PPP1R16B: variants seen among roughly 807,000 people sequenced by gnomAD.
PPP1R16B encodes protein phosphatase 1 regulatory subunit 16B, also known as protein phosphatase 1 regulatory inhibitor subunit 16B.
A neutral mutation model predicts 61.7 loss-of-function variants in PPP1R16B; 14 were observed. The ratio of observed to expected loss-of-function variants is 0.23; its 90% CI spans 0.15 to 0.35. The LOEUF is 0.35. Among genes scored for constraint, PPP1R16B ranks in the 10% least tolerant of loss-of-function variants. PPP1R16B has a pLI of 1.00. For synonymous variants in PPP1R16B, 266 were observed against 305.3 expected, an observed-to-expected ratio of 0.87 and a Z score of 1.34; for missense variants, 547 against 752.5, an observed-to-expected ratio of 0.73 and a Z score of 3.19.
intron 2 of PPP1R16B, among the ~76,000 whole-genome samples, chr20:38,858,161 A>G (rs1388205441): frequency 6.6e-6 from 1 of 152,002 alleles, no homozygotes; most frequent in African/African-American, 2.4e-5. Flanking sequence ...ATCTAAAACT[A>G]TCTCCCAAAA....
chr20:38,855,939 TATATAGAG>T (rs1396704286), intron 2 of PPP1R16B, among the ~76,000 whole-genome samples: 2 of 31,210 alleles, frequency 6.4e-5, no homozygotes, highest in East Asian at 1.2e-3. Context: ...TATATATATA[TATATAGAG>T]AGAGAGAGAG....
At chr20:38,874,455 CAGAT>C (rs1349326644) in intron 2 of PPP1R16B, among the ~76,000 whole-genome samples, 1 of 152,162 alleles carries the variant, frequency 6.6e-6, no homozygotes, top group African/African-American at 2.4e-5. Context: ...AACTGAGGCT[CAGAT>C]AGAGGAGATG....
chr20:38,806,210 C>G lies in PPP1R16B; in HGVS notation c.-102+418C>G, dbSNP rs1035476823. Among the ~76,000 whole-genome samples, 1 of 152,102 alleles carries G rather than the reference C, an allele frequency of 6.6e-6. No individual in the cohort carries two copies. Among genetic ancestry groups the G allele is most frequent in the African/African-American group, 2.4e-5 (1 of 41,424 alleles). ...ACAGCGGACACCAAACAACCCCCCCCCGCGCACTCTCCCGGCCGGGCATGG... is the reference window on the plus strand; with the variant it reads ...ACAGCGGACACCAAACAACCCCCCCGCGCGCACTCTCCCGGCCGGGCATGG... On this transcript the variant is annotated intron_variant, in intron 1 of 10. Coordinates refer to ENST00000299824, the MANE Select transcript of PPP1R16B (RefSeq NM_015568.4). This position sits in a 1 kb window ranked among gnomAD's most constrained non-coding sequence, Gnocchi z 4.5.
In PPP1R16B at chr20:38,806,202, A is replaced by AC. The variant is rs568655910; in HGVS notation, c.-102+419dup. 0.014 allele frequency among the ~76,000 whole-genome samples: 2,028 copies of AC among 142,768 alleles called. 15 individuals carry two copies. The highest frequency in any genetic ancestry group is 0.024 in the African/African-American group (907 of 38,218). 93.7% of individuals were successfully genotyped at this position (142,768 alleles called of 152,430 possible). A position where few individuals can be genotyped will look rare whatever the true frequency, so the allele number is the denominator to read the frequency against. On this transcript the variant is annotated intron_variant, in intron 1 of 10. Transcript: ENST00000299824. The surrounding 1 kb of genome is among the most constrained non-coding windows in gnomAD (Gnocchi z 4.5). ...CGGGAGCCACAGCGGACACCAAACA[A>AC]CCCCCCCCCGCGCACTCTCCCGGCC...
chr20:38,889,578 G>C lies in PPP1R16B; in HGVS notation c.251-17G>C, dbSNP rs773994580. On this transcript the variant is annotated splice_polypyrimidine_tract_variant and intron_variant, in intron 2 of 10. Coordinates refer to ENST00000299824, the MANE Select transcript of PPP1R16B (RefSeq NM_015568.4). ...AGTGTGCAACGGGAAGCTCACTCCT[G>C]TACCCTCCTATTGCAGTACGCTACT... is the stretch of plus-strand genomic sequence containing the variant. The C allele has an allele frequency of 1.9e-5, 30 of 1,558,128 alleles. No homozygotes were observed. The highest frequency in any genetic ancestry group is 2.7e-5 in the Non-Finnish European group (30 of 1,129,076).
At chr20:38,902,903 C>G in intron 6 of PPP1R16B, 111 bp downstream of exon 6, 1 of 1,500,306 alleles carries the variant, frequency 6.7e-7, no homozygotes. Flanking sequence ...CTTGGACCTC[C>G]GCAAGAATCC....
Position 38,918,363 on chromosome 20 carries a change from G to T in PPP1R16B, c.1401G>T (p.Pro467=), listed in dbSNP as rs774677288. The T allele has an allele frequency of 1.1e-5, 17 of 1,614,062 alleles. No individual in the cohort carries two copies. In the East Asian group the frequency reaches 3.6e-4, roughly 34 times the overall value. Residue 467 remains proline (P), a synonymous_variant, in exon 11 of 11, where the codon CCG becomes CCT. Transcript: ENST00000299824. The surrounding 1 kb of genome is among the most constrained non-coding windows in gnomAD (Gnocchi z 5.3). ...ACCCTGGCGTGGCCGACGCCACCCC[G>T]CCCTGGAGCAGCTACAAGGAACAGA... ...YGNPGVADAT[P]PWSSYKEQSP... is the part of the protein sequence containing the mutation.
chr20:38,893,646 C>T lies in PPP1R16B; in HGVS notation c.322-1919C>T, dbSNP rs146340800. 3.7e-4 allele frequency among the ~76,000 whole-genome samples: 56 copies of T among 152,088 alleles called. No individual in the cohort carries two copies. The East Asian group carries it at 9.3e-3, about 25-fold the overall frequency. ...GTGCCATTTCCCACCTCGGCCGCAG[C>T]AGAGGAGGAGGCCCGCCCACTCCAC... On this transcript the variant is annotated intron_variant, in intron 3 of 10. Coordinates refer to ENST00000299824, the MANE Select transcript of PPP1R16B (RefSeq NM_015568.4).
intron 2 of PPP1R16B, among the ~76,000 whole-genome samples, chr20:38,844,637 T>C (rs1403657477): frequency 6.6e-6 from 1 of 152,256 alleles, no homozygotes; most frequent in Non-Finnish European, 1.5e-5. Context: ...TTTATTGCTT[T>C]ATCAAGGACA....
At chr20:38,872,550 C>G (rs902961332) in intron 2 of PPP1R16B, among the ~76,000 whole-genome samples, 1 of 152,080 alleles carries the variant, frequency 6.6e-6, no homozygotes, top group East Asian at 1.9e-4. Flanking sequence ...TGTTAGACAC[C>G]CCCCTCCTGC....
chr20:38,880,460 A>G (rs1280400263), intron 2 of PPP1R16B, among the ~76,000 whole-genome samples: 1 of 152,184 alleles, frequency 6.6e-6, no homozygotes, highest in Non-Finnish European at 1.5e-5. Flanking sequence ...TGAGCTGAGG[A>G]GTTCGAGACC....
chr20:38,858,183 A>G (rs2085021380), intron 2 of PPP1R16B, among the ~76,000 whole-genome samples: 2 of 152,090 alleles, frequency 1.3e-5, no homozygotes, highest in South Asian at 4.1e-4. Flanking sequence ...TCCCATCTCC[A>G]AATTCCATCG....
intron 2 of PPP1R16B, among the ~76,000 whole-genome samples, chr20:38,887,891 G>T (rs1464465243): frequency 2.0e-5 from 3 of 152,198 alleles, no homozygotes; most frequent in African/African-American, 7.2e-5. Flanking sequence ...TGGGACTGTG[G>T]TTTGGGAGCT....
intron 2 of PPP1R16B, among the ~76,000 whole-genome samples, chr20:38,846,975 C>T (rs1213970626): frequency 6.6e-6 from 1 of 151,926 alleles, no homozygotes; most frequent in African/African-American, 2.4e-5. Context: ...GCACTCCAGC[C>T]CAGGTAACAG....
chr20:38,842,447 G>C (rs2084914269), intron 2 of PPP1R16B, among the ~76,000 whole-genome samples: 1 of 152,098 alleles, frequency 6.6e-6, no homozygotes, highest in African/African-American at 2.4e-5. Flanking sequence ...AATGTGTAGG[G>C]TTTTCTTTAT....
chr20:38,891,948 C>T (rs1221994828), intron 3 of PPP1R16B, among the ~76,000 whole-genome samples: 1 of 152,112 alleles, frequency 6.6e-6, no homozygotes, highest in Non-Finnish European at 1.5e-5. Flanking sequence ...CGCGGATCCA[C>T]AGCACTCGAA....
intron 1 of PPP1R16B, among the ~76,000 whole-genome samples, chr20:38,824,489 G>A (rs1216079895): frequency 6.6e-6 from 1 of 152,120 alleles, no homozygotes; most frequent in Non-Finnish European, 1.5e-5. Context: ...TTCTCCTTCT[G>A]CTTTTTATGG....
At chr20:38,847,588 C>T (rs2084943047) in intron 2 of PPP1R16B, among the ~76,000 whole-genome samples, 2 of 152,198 alleles carry the variant, frequency 1.3e-5, no homozygotes, top group African/African-American at 4.8e-5. Flanking sequence ...AACTCCTGAC[C>T]TCAGGTGATC....
At chr20:38,878,712 T>C (rs992345266) in intron 2 of PPP1R16B, among the ~76,000 whole-genome samples, 1 of 152,194 alleles carries the variant, frequency 6.6e-6, no homozygotes, top group African/African-American at 2.4e-5. Context: ...GTACAGTGCC[T>C]TATACTTGGA....
Sources: allele counts gnomAD v4.1 joint callset (sites outside exome capture counted in the v4.1 genomes callset), GRCh38; gene constraint gnomAD v4.1.1; non-coding constraint Gnocchi (gnomAD v3.1); transcripts MANE v1.5; gene names NCBI Gene and HGNC (gene_info 2026-07-23, HGNC 2026-07-21).